DNM3: variants seen among roughly 807,000 people sequenced by gnomAD.
The protein encoded by DNM3 is dynamin 3.
Under a neutral mutation model 101.6 loss-of-function variants are expected in DNM3, and 47 were observed. The observed-to-expected ratio is 0.46, with a 90% confidence interval of 0.37 to 0.59. The LOEUF is 0.59. DNM3 is among the 20% of genes least tolerant of loss of function. The pLI is 0.00. For missense variants in DNM3, 849 were observed against 1,085.7 expected (o/e 0.78, Z 3.06); for synonymous variants, 385 against 387.9 (o/e 0.99, Z 0.09).
At chr1:172,150,862 G>C (rs545718332) in intron 14 of DNM3, among the ~76,000 whole-genome samples, 2 of 152,310 alleles carry the variant, frequency 1.3e-5, no homozygotes, top group African/African-American at 4.8e-5. Flanking sequence ...CAGCCACCCA[G>C]GATTGTTTTA....
Position 172,408,862 on chromosome 1 carries a change from A to C in DNM3, c.*1021A>C. 2.0e-6 allele frequency: 2 copies of C among 985,310 alleles called. No individual in the cohort carries two copies. The highest frequency in any genetic ancestry group is 2.4e-6 in the Non-Finnish European group (2 of 829,858). The allele number at this position is 985,310 out of a possible 1,614,324, so 61.0% of individuals were successfully genotyped here. A position where few individuals can be genotyped will look rare whatever the true frequency, so the allele number is the denominator to read the frequency against. On this transcript the variant is annotated 3_prime_UTR_variant, in exon 21 of 21. Coordinates refer to ENST00000627582, the MANE Select transcript of DNM3 (RefSeq NM_015569.5). The stretch of plus-strand genomic sequence containing the variant: ...TATCCATTCTAGGCTTTCTTAATAA[A>C]TCTTGAGGCTATGGGATAATCACAT...
intron 13 of DNM3, among the ~76,000 whole-genome samples, chr1:172,115,795 A>G (rs768985903): frequency 2.6e-5 from 4 of 152,082 alleles, no homozygotes; most frequent in African/African-American, 4.8e-5. Flanking sequence ...GAAAAACATC[A>G]TTTTCTCTCC....
At chr1:172,224,911 A>T (rs959516643) in intron 14 of DNM3, among the ~76,000 whole-genome samples, 4 of 152,140 alleles carry the variant, frequency 2.6e-5, no homozygotes, top group African/African-American at 4.8e-5. Context: ...CTGAAGCATA[A>T]CAAGAGAATC....
chr1:172,314,226 G>A (rs915537155), intron 16 of DNM3, among the ~76,000 whole-genome samples: 13 of 152,174 alleles, frequency 8.5e-5, no homozygotes, highest in African/African-American at 3.1e-4. Context: ...ACGATAGACT[G>A]GATAAAGAAA....
At chr1:172,400,335 T>A (rs2149110010) in intron 20 of DNM3, among the ~76,000 whole-genome samples, 1 of 151,930 alleles carries the variant, frequency 6.6e-6, no homozygotes, top group South Asian at 2.1e-4. Context: ...TGGGAGTAGG[T>A]TTCTACAGCA....
chr1:171,944,339 G>GTATTTATTTATT (rs60936293), intron 2 of DNM3, among the ~76,000 whole-genome samples: 2 of 146,972 alleles, frequency 1.4e-5, no homozygotes, highest in African/African-American at 2.5e-5. Context: ...TTTAAACAAT[G>GTATTTATTTATT]TATTTATTTA....
chr1:172,099,497 A>T (rs1256496672), intron 13 of DNM3, among the ~76,000 whole-genome samples: 1 of 152,080 alleles, frequency 6.6e-6, no homozygotes, highest in Non-Finnish European at 1.5e-5. Context: ...TATATCGTTG[A>T]ACAGAACTTG....
chr1:172,404,150 C>T (rs2070713092), intron 20 of DNM3, among the ~76,000 whole-genome samples: 1 of 152,028 alleles, frequency 6.6e-6, no homozygotes, highest in Admixed American at 6.6e-5. Flanking sequence ...TGACTAAGTA[C>T]ATATTTGGGT....
rs148109924 is a variant in DNM3 at position 171,948,753 on chromosome 1, G to C, written c.235+26932G>C. Among the ~76,000 whole-genome samples, 14 of 152,152 alleles carry C rather than the reference G, an allele frequency of 9.2e-5. No individual in the cohort carries two copies. The East Asian group carries it at 2.7e-3, about 29-fold the overall frequency. On this transcript the variant is annotated intron_variant, in intron 2 of 20. Coordinates refer to ENST00000627582, the MANE Select transcript of DNM3 (RefSeq NM_015569.5). ...GACCAAAACACTAAACAACTCCTGT[G>C]GTTAAAACAGAATCCACAGGATTCT...
At chr1:171,934,964 C>A (rs2041295064) in intron 2 of DNM3, among the ~76,000 whole-genome samples, 2 of 152,056 alleles carry the variant, frequency 1.3e-5, no homozygotes, top group African/African-American at 4.8e-5. Context: ...GAATAAGAGA[C>A]CCATTTTAGA....
At position 172,387,195 on chromosome 1, in the gene DNM3, C is replaced by T. The variant is rs1341475871; in HGVS notation, c.2121C>T (p.Thr707=). ...TGTATTCTTCAGAGGACCAAAATAC[C>T]CTGATGGAGGAATCTGCTGAGCAGG... ...AQLYSSEDQN[T]LMEESAEQAQ... Residue 707 remains threonine (T), a synonymous_variant, in exon 19 of 21, where the codon ACC becomes ACT. Coordinates refer to ENST00000627582, the MANE Select transcript of DNM3 (RefSeq NM_015569.5). 17 of 1,613,906 alleles carry T rather than the reference C, an allele frequency of 1.1e-5. No homozygotes were observed. Among genetic ancestry groups the T allele is most frequent in the Non-Finnish European group, 1.4e-5 (16 of 1,179,856 alleles).
intron 11 of DNM3, among the ~76,000 whole-genome samples, chr1:172,069,282 C>T (rs1356891926): frequency 6.6e-6 from 1 of 152,048 alleles, no homozygotes; most frequent in Non-Finnish European, 1.5e-5. Context: ...ATTGGGCCCA[C>T]AGATGGACTC....
At chr1:172,380,993 A>C (rs769040180) in intron 18 of DNM3, 5 of 151,716 alleles carry the variant, frequency 3.3e-5, no homozygotes, top group Non-Finnish European at 5.9e-5. Context: ...AAAAAAAAAA[A>C]AACAAAAAAC....
chr1:171,918,714 G>C (rs1172885420), intron 1 of DNM3, among the ~76,000 whole-genome samples: 1 of 152,078 alleles, frequency 6.6e-6, no homozygotes, highest in Non-Finnish European at 1.5e-5. Context: ...TTGGATACTG[G>C]AATCTATTTA....
intron 1 of DNM3, among the ~76,000 whole-genome samples, chr1:171,890,017 T>C (rs2037126692): frequency 6.6e-6 from 1 of 152,158 alleles, no homozygotes; most frequent in Non-Finnish European, 1.5e-5. Context: ...TTTTACAGAT[T>C]TGTAGTGATA....
intron 1 of DNM3, among the ~76,000 whole-genome samples, chr1:171,858,597 C>T (rs34762156): frequency 6.6e-6 from 1 of 152,110 alleles, no homozygotes; most frequent in Non-Finnish European, 1.5e-5. Context: ...ATAAAGGTTC[C>T]TAAGCTCCAC....
At chr1:172,306,753 C>T (rs1480259084) in intron 15 of DNM3, among the ~76,000 whole-genome samples, 2 of 152,126 alleles carry the variant, frequency 1.3e-5, no homozygotes, top group Non-Finnish European at 2.9e-5. Flanking sequence ...CTTTGACAAA[C>T]CTGACCAAAA....
In DNM3 at chr1:171,939,868, C is replaced by T. The variant is rs77784894; in HGVS notation, c.235+18047C>T. ...CAGAAATCATAGATCACAGATGCCC[C>T]TGTATTTGCATTTGTTAGATGAGTT... On this transcript the variant is annotated intron_variant, in intron 2 of 20. Coordinates refer to ENST00000627582, the MANE Select transcript of DNM3 (RefSeq NM_015569.5). Among the ~76,000 whole-genome samples the T allele has an allele frequency of 5.5e-3, 834 of 152,212 alleles. 10 individuals carry two copies. Among genetic ancestry groups the T allele is most frequent in the African/African-American group, 0.019 (789 of 41,538 alleles).
At chr1:172,122,100 C>A (rs2056358210) in intron 13 of DNM3, among the ~76,000 whole-genome samples, 1 of 152,010 alleles carries the variant, frequency 6.6e-6, no homozygotes, top group Admixed American at 6.6e-5. Context: ...TTTAAACAAG[C>A]AATAATGTGA....
Sources: allele counts gnomAD v4.1 joint callset (sites outside exome capture counted in the v4.1 genomes callset), GRCh38; gene constraint gnomAD v4.1.1; transcripts MANE v1.5; gene names NCBI Gene and HGNC (gene_info 2026-07-23, HGNC 2026-07-21).